The following DLG2 variants were observed in gnomAD, a reference collection of about 807,000 sequenced individuals.
The protein encoded by DLG2 is discs large MAGUK scaffold protein 2, also known as disks large homolog 2.
DLG2 carries 45 observed loss-of-function variants against 132.5 expected under a neutral mutation model. The ratio of observed to expected loss-of-function variants is 0.34; its 90% CI spans 0.27 to 0.44. The LOEUF is 0.44. Ranked by LOEUF, DLG2 falls within the 20% of genes least tolerant of loss-of-function variation. The probability of loss-of-function intolerance (pLI) is 1.00; values close to 1 mark genes in which losing one functional copy is unlikely to be tolerated. For synonymous variants in DLG2, 424 were observed against 419.6 expected (o/e 1.01, Z -0.13); for missense variants, 1,045 against 1,196.9 (o/e 0.87, Z 1.87).
intron 6 of DLG2, among the ~76,000 whole-genome samples, chr11:84,631,755 G>A (rs1357464615): frequency 5.3e-5 from 8 of 152,114 alleles, no homozygotes; most frequent in Non-Finnish European, 8.8e-5. Context: ...CAAGGAATAC[G>A]GGTACCAGCT....
intron 6 of DLG2, among the ~76,000 whole-genome samples, chr11:84,969,903 AAACT>A (rs1283711916): frequency 1.8e-4 from 27 of 152,200 alleles, no homozygotes; most frequent in African/African-American, 6.5e-4. Flanking sequence ...CATTCTCAGC[AAACT>A]AACACAGGAA....
intron 17 of DLG2, among the ~76,000 whole-genome samples, chr11:83,812,474 A>G (rs2047567252): frequency 6.6e-6 from 1 of 152,166 alleles, no homozygotes; most frequent in Admixed American, 6.6e-5. Context: ...TGGTATGAAG[A>G]AGATCACAGC....
chr11:84,695,446 T>G (rs979188723), intron 6 of DLG2, among the ~76,000 whole-genome samples: 1 of 151,534 alleles, frequency 6.6e-6, no homozygotes, highest in Non-Finnish European at 1.5e-5. Context: ...ATTTAACATA[T>G]GGCCCCCAAA....
At chr11:83,507,396 A>C (rs2094759143) in intron 21 of DLG2, among the ~76,000 whole-genome samples, 1 of 120,974 alleles carries the variant, frequency 8.3e-6, no homozygotes, top group African/African-American at 3.5e-5. Flanking sequence ...CAGAACAAAT[A>C]GGATATATAT....
intron 6 of DLG2, among the ~76,000 whole-genome samples, chr11:85,106,829 G>A (rs188858039): frequency 8.0e-4 from 121 of 152,100 alleles, no homozygotes; most frequent in African/African-American, 2.9e-3. Flanking sequence ...TCTAAAGGGT[G>A]TACCCTTAAC....
intron 3 of DLG2, among the ~76,000 whole-genome samples, chr11:85,479,329 C>A (rs2093228413): frequency 6.6e-6 from 1 of 152,130 alleles, no homozygotes; most frequent in South Asian, 2.1e-4. Flanking sequence ...TCCCTATGTC[C>A]TCAAATGGCA....
At chr11:83,468,725 CA>C (rs1345704185) in intron 25 of DLG2, among the ~76,000 whole-genome samples, 1 of 151,692 alleles carries the variant, frequency 6.6e-6, no homozygotes, top group Non-Finnish European at 1.5e-5. Context: ...AAGTTACCAG[CA>C]AAAAGATAAT....
At chr11:85,464,612 T>C (rs997467436) in intron 3 of DLG2, among the ~76,000 whole-genome samples, 3 of 152,072 alleles carry the variant, frequency 2.0e-5, no homozygotes, top group Non-Finnish European at 4.4e-5. Flanking sequence ...ACAATTGGAA[T>C]AGTCACAAAT....
intron 3 of DLG2, among the ~76,000 whole-genome samples, chr11:85,537,388 C>T (rs1183191476): frequency 1.3e-5 from 2 of 152,236 alleles, no homozygotes; most frequent in African/African-American, 4.8e-5. Context: ...CTGCTGCTCA[C>T]TCTTTGGGTC....
chr11:84,856,646 C>T (rs960075824), intron 6 of DLG2, among the ~76,000 whole-genome samples: 3 of 152,126 alleles, frequency 2.0e-5, no homozygotes, highest in African/African-American at 7.2e-5. Context: ...CACCTCACTT[C>T]CATGCTTGTC....
At chr11:84,408,002 A>T (rs2154452570) in intron 7 of DLG2, among the ~76,000 whole-genome samples, 1 of 152,358 alleles carries the variant, frequency 6.6e-6, no homozygotes, top group African/African-American at 2.4e-5. Context: ...CTACTAGATT[A>T]TCCTTTTTCA....
intron 6 of DLG2, among the ~76,000 whole-genome samples, chr11:84,537,937 C>A (rs953841399): frequency 6.6e-6 from 1 of 152,212 alleles, no homozygotes. Flanking sequence ...GTAAAAAGGA[C>A]AATCACATCA....
intron 6 of DLG2, among the ~76,000 whole-genome samples, chr11:84,916,066 C>A (rs1455170729): frequency 6.6e-6 from 1 of 152,082 alleles, no homozygotes; most frequent in African/African-American, 2.4e-5. Context: ...AAGAAGCAGG[C>A]CGGGCGCGGT....
intron 3 of DLG2, among the ~76,000 whole-genome samples, chr11:85,491,434 G>C (rs977740242): frequency 6.6e-6 from 1 of 152,072 alleles, no homozygotes; most frequent in African/African-American, 2.4e-5. Context: ...TCAAGCAAGA[G>C]AAAGAAATAG....
intron 3 of DLG2, among the ~76,000 whole-genome samples, chr11:85,288,667 A>G (rs2152765956): frequency 6.6e-6 from 1 of 152,244 alleles, no homozygotes; most frequent in South Asian, 2.1e-4. Flanking sequence ...TCAAAAAAAT[A>G]AAAACTAAAA....
At chr11:83,742,410 A>T (rs1454083791) in intron 18 of DLG2, among the ~76,000 whole-genome samples, 1 of 152,194 alleles carries the variant, frequency 6.6e-6, no homozygotes, top group Non-Finnish European at 1.5e-5. Flanking sequence ...AAAAAAATCT[A>T]TGGAAAAATT....
intron 3 of DLG2, among the ~76,000 whole-genome samples, chr11:85,518,494 C>T (rs144175622): frequency 5.8e-4 from 89 of 152,266 alleles, no homozygotes; most frequent in African/African-American, 2.1e-3. Flanking sequence ...GCAGAAGAAA[C>T]ATCTAAGCAG....
Position 83,503,111 on chromosome 11 carries a change from G to C in DLG2, c.2194-18883C>G, listed in dbSNP as rs571641057. ...TTACTAAGGCAATGTGACAGTGCAC[G>C]CAAAGTACTCAAGGGGCATGAAGAA... On this transcript the variant is annotated intron_variant, in intron 21 of 27. Transcript: ENST00000376104. 3.3e-5 allele frequency among the ~76,000 whole-genome samples: 5 copies of C among 151,810 alleles called. No individual in the cohort carries two copies. The South Asian group carries it at 1.0e-3, about 32-fold the overall frequency.
At chr11:84,455,130 C>A (rs2099061956) in intron 7 of DLG2, among the ~76,000 whole-genome samples, 1 of 151,308 alleles carries the variant, frequency 6.6e-6, no homozygotes, top group African/African-American at 2.4e-5. Context: ...TCAAACATTT[C>A]TATTTCCTTT....
Sources: gnomAD v4.1 joint callset for allele counts (sites outside exome capture counted in the v4.1 genomes callset) on GRCh38, gnomAD v4.1.1 for gene constraint, MANE v1.5 for transcripts, NCBI Gene and HGNC (gene_info 2026-07-23, HGNC 2026-07-21) for gene names.